The following HTR4 variants were observed in gnomAD, a reference collection of about 807,000 sequenced individuals.
HTR4 encodes 5-hydroxytryptamine (serotonin) receptor 4, G protein-coupled.
In HTR4, 16 loss-of-function variants were observed where a neutral mutation model predicts 36.8. The ratio of observed to expected loss-of-function variants is 0.43; its 90% confidence interval spans 0.29 to 0.66. HTR4 has a LOEUF of 0.66. HTR4 is among the 30% of genes least tolerant of loss of function. The pLI is 0.13. For synonymous variants in HTR4, 189 were observed against 185.1 expected (o/e 1.02, Z -0.17); for missense variants, 438 against 490.9 (o/e 0.89, Z 1.02).
chr5:148,492,874 G>A (rs1183777521), intron 6 of HTR4, among the ~76,000 whole-genome samples: 1 of 152,198 alleles, frequency 6.6e-6, no homozygotes, highest in Non-Finnish European at 1.5e-5. Context: ...CACTGTGCTG[G>A]GTGGGATGGC....
Position 148,523,296 on chromosome 5 carries a change from G to C in HTR4, c.404C>G (p.Pro135Arg), listed in dbSNP as rs764685473. 6.2e-7 allele frequency: 1 copy of C among 1,613,240 alleles called. No individual in the cohort carries two copies. The highest frequency in any genetic ancestry group is 8.5e-7 in the Non-Finnish European group (1 of 1,179,620). Residue 135 changes from proline to arginine, a missense_variant, in exon 5 of 7, where the codon CCT becomes CGT. Physicochemically the swap from Pro to Arg is moderately radical, Grantham distance 103 (BLOSUM62 -2). Transcript: ENST00000377888. ...QPLVYRNKMT[P>R]LRIALMLGGC... ...TCCCAGCATTAATGCGATGCGCAGA[G>C]GGGTCATCTTGTTCCTATAGACCAA...
At position 148,484,429 on chromosome 5, in the gene HTR4, C is replaced by G. The variant is rs201692356; in HGVS notation, c.1077-1136G>C. 18 of 1,544,010 alleles carry G rather than the reference C, an allele frequency of 1.2e-5. No homozygotes were observed. The South Asian group carries it at 2.0e-4, about 17-fold the overall frequency. On this transcript the variant is annotated intron_variant, in intron 6 of 6. Transcript: ENST00000377888. ...CATGAATTATTATACAACAGTGAATCTTACTTACACAAGCTATGAGTCTAT... is the reference window on the plus strand; with the variant it reads ...CATGAATTATTATACAACAGTGAATGTTACTTACACAAGCTATGAGTCTAT...
At chr5:148,597,134 C>T (rs930541051) in intron 2 of HTR4, among the ~76,000 whole-genome samples, 18 of 152,176 alleles carry the variant, frequency 1.2e-4, no homozygotes, top group African/African-American at 4.1e-4. Context: ...AAGTAATCTC[C>T]TATCCTCTGC....
chr5:148,486,411 T>G (rs765049322), intron 6 of HTR4, among the ~76,000 whole-genome samples: 102 of 152,134 alleles, frequency 6.7e-4, no homozygotes, highest in Non-Finnish European at 8.2e-4. Context: ...CCTTACTAAT[T>G]CAGAGAAGAA....
At chr5:148,630,953 G>T (rs1299018482) in intron 2 of HTR4, among the ~76,000 whole-genome samples, 6 of 152,098 alleles carry the variant, frequency 3.9e-5, no homozygotes, top group Admixed American at 3.9e-4. Flanking sequence ...AGCATCCCAT[G>T]GTGTTGGTAG....
chr5:148,513,815 C>G (rs7705481), intron 5 of HTR4, among the ~76,000 whole-genome samples: 23,599 of 151,842 alleles, frequency 0.16, 3,334 homozygotes, highest in African/African-American at 0.37. Context: ...TTATAATTTT[C>G]TTTGTGTCTT....
chr5:148,476,640 T>A (rs528258493), downstream of HTR4: 33 of 1,586,902 alleles, frequency 2.1e-5, no homozygotes, highest in Admixed American at 9.4e-5. Flanking sequence ...AACAAATACA[T>A]CCAATGAATT....
At chr5:148,511,293 TCAA>T (rs1757486499) in intron 5 of HTR4, among the ~76,000 whole-genome samples, 2 of 152,196 alleles carry the variant, frequency 1.3e-5, no homozygotes, top group Non-Finnish European at 2.9e-5. Context: ...TAGAATATTA[TCAA>T]CAACCCAGCA....
intron 6 of HTR4, among the ~76,000 whole-genome samples, chr5:148,506,868 G>A (rs1428103129): frequency 1.3e-5 from 2 of 152,120 alleles, no homozygotes; most frequent in African/African-American, 4.8e-5. Flanking sequence ...AAAAAGTCAG[G>A]AAACAACAGG....
chr5:148,622,695 G>A (rs532521550), intron 2 of HTR4, among the ~76,000 whole-genome samples: 16 of 152,260 alleles, frequency 1.1e-4, no homozygotes, highest in African/African-American at 3.9e-4. Flanking sequence ...TATAAGTTGG[G>A]TTAATGATAC....
chr5:148,610,641 C>T (rs1752385137), intron 2 of HTR4, among the ~76,000 whole-genome samples: 1 of 152,112 alleles, frequency 6.6e-6, no homozygotes, highest in Non-Finnish European at 1.5e-5. Flanking sequence ...CAAAGGAACG[C>T]AGCTCCTCAC....
chr5:148,576,360 GA>G (rs1488007165), intron 2 of HTR4, among the ~76,000 whole-genome samples: 2 of 151,834 alleles, frequency 1.3e-5, no homozygotes, highest in East Asian at 3.9e-4. Flanking sequence ...TGCGTGGATA[GA>G]AAAAAATCAA....
At chr5:148,573,921 CAG>C (rs1398250482) in intron 2 of HTR4, among the ~76,000 whole-genome samples, 1 of 152,034 alleles carries the variant, frequency 6.6e-6, no homozygotes, top group African/African-American at 2.4e-5. Context: ...CTGAAATAAA[CAG>C]AACTAGGAAT....
chr5:148,585,375 T>C (rs577126401), intron 2 of HTR4, among the ~76,000 whole-genome samples: 4 of 152,320 alleles, frequency 2.6e-5, no homozygotes, highest in Admixed American at 2.0e-4. Flanking sequence ...AAAATAAAAC[T>C]AATGAATATT....
At chr5:148,553,779 G>T (rs1327323511) in intron 2 of HTR4, among the ~76,000 whole-genome samples, 1 of 152,234 alleles carries the variant, frequency 6.6e-6, no homozygotes, top group Non-Finnish European at 1.5e-5. Flanking sequence ...TTGCTGGCGG[G>T]AATGTAAAAT....
intron 6 of HTR4, among the ~76,000 whole-genome samples, chr5:148,500,942 A>G (rs1235693172): frequency 1.3e-5 from 2 of 152,198 alleles, no homozygotes; most frequent in Non-Finnish European, 2.9e-5. Context: ...CCAATATTAT[A>G]GTAAACATAA....
chr5:148,452,533 A>G (rs1399305831), intron 5 of HTR4, among the ~76,000 whole-genome samples: 1 of 152,214 alleles, frequency 6.6e-6, no homozygotes, highest in East Asian at 1.9e-4. Flanking sequence ...TGTACGATAC[A>G]TAGCACAGCC....
rs546073022 is a variant in HTR4, at chr5:148,538,686, C to T, written c.353+9982G>A. Among the ~76,000 whole-genome samples the T allele has an allele frequency of 2.6e-5, 4 of 152,076 alleles. No individual in the cohort carries two copies. The South Asian group carries it at 8.3e-4, about 32-fold the overall frequency. The stretch of plus-strand genomic sequence containing the variant: ...TAACCAGGGAGGCGAAAGAGCTCTA[C>T]AATGAGAATTACAAAACACTGATCA... On this transcript the variant is annotated intron_variant, in intron 4 of 6. Coordinates refer to ENST00000377888, the MANE Select transcript of HTR4 (RefSeq NM_000870.7).
At chr5:148,456,418 T>C (rs1755102652) in intron 5 of HTR4, among the ~76,000 whole-genome samples, 1 of 152,158 alleles carries the variant, frequency 6.6e-6, no homozygotes, top group Non-Finnish European at 1.5e-5. Flanking sequence ...CAGCAGTCTG[T>C]AGGCCCATTC....
Sources: allele counts gnomAD v4.1 joint callset (sites outside exome capture counted in the v4.1 genomes callset), GRCh38; gene constraint gnomAD v4.1.1; transcripts MANE v1.5; gene names NCBI Gene and HGNC (gene_info 2026-07-23, HGNC 2026-07-21).